The following NCAM2 variants were observed in gnomAD, a reference collection of about 807,000 sequenced individuals.
NCAM2 encodes the protein N-CAM-2.
NCAM2 carries 30 observed loss-of-function variants against 98.1 expected under a neutral mutation model. That is an observed-to-expected ratio of 0.31 (90% CI 0.23 to 0.41). The LOEUF is 0.41. Ranked by LOEUF, NCAM2 falls within the 10% of genes least tolerant of loss-of-function variation. The pLI is 1.00. For synonymous variants in NCAM2, 368 were observed against 342.4 expected (o/e 1.07, Z -0.83); for missense variants, 867 against 1,005.8 (o/e 0.86, Z 1.87).
At chr21:21,102,295 A>G (rs1273527329) in intron 1 of NCAM2, among the ~76,000 whole-genome samples, 2 of 152,102 alleles carry the variant, frequency 1.3e-5, no homozygotes, top group Non-Finnish European at 2.9e-5. Flanking sequence ...TTGTAAAAAA[A>G]GTACAATTTT....
At chr21:21,317,727 C>G (rs59421789) in intron 5 of NCAM2, among the ~76,000 whole-genome samples, 4,589 of 151,844 alleles carry the variant, frequency 0.03, 216 homozygotes, top group African/African-American at 0.11. Flanking sequence ...TAGCGACAGG[C>G]TCTCATTATG....
At chr21:21,486,303 CAAAAAAAAA>C (rs67182493) in intron 15 of NCAM2, among the ~76,000 whole-genome samples, 14 of 52,254 alleles carry the variant, frequency 2.7e-4, no homozygotes, top group African/African-American at 5.9e-4. Context: ...GACTCCGTCT[CAAAAAAAAA>C]AAAAAAAAAA....
At chr21:21,407,894 T>C (rs1350787384) in intron 9 of NCAM2, among the ~76,000 whole-genome samples, 1 of 152,190 alleles carries the variant, frequency 6.6e-6, no homozygotes, top group Admixed American at 6.5e-5. Flanking sequence ...AAATTTGGCT[T>C]CTCTTATAGT....
intron 8 of NCAM2, among the ~76,000 whole-genome samples, chr21:21,365,213 G>T (rs232504): frequency 0.37 from 54,741 of 148,890 alleles, 10,113 homozygotes; most frequent in Middle Eastern, 0.48. Context: ...TTCCGTTGGA[G>T]ATTTGAGCTA....
At position 21,220,730 on chromosome 21, in the gene NCAM2, T is replaced by C. The variant is rs527617072; in HGVS notation, c.56-59848T>C. 2.0e-5 allele frequency among the ~76,000 whole-genome samples: 3 copies of C among 152,296 alleles called. No individual in the cohort carries two copies. The South Asian group carries it at 6.2e-4, about 32-fold the overall frequency. On this transcript the variant is annotated intron_variant, in intron 1 of 17. Coordinates refer to ENST00000400546, the MANE Select transcript of NCAM2 (RefSeq NM_004540.5). ...TAATTTAATGTGCCCATGAATCACT[T>C]TCTTATTATCGTAGAATGTAAATTC...
At chr21:21,273,343 G>T (rs916123434) in intron 1 of NCAM2, among the ~76,000 whole-genome samples, 1 of 152,076 alleles carries the variant, frequency 6.6e-6, no homozygotes, top group Non-Finnish European at 1.5e-5. Flanking sequence ...AAACAAAGAA[G>T]ATATTGCTAA....
Position 21,295,571 on chromosome 21 carries a change from A to G in NCAM2, c.619+3330A>G, listed in dbSNP as rs1353480273. On this transcript the variant is annotated intron_variant, in intron 5 of 17. Transcript: ENST00000400546. ...AAATACACACCATGACTGAAATCAA[A>G]CTTCAAGAAAACATCACATATTTTC... Among the ~76,000 whole-genome samples, 55 of 151,804 alleles carry G rather than the reference A, an allele frequency of 3.6e-4. No homozygotes were observed. In the Admixed American group the frequency reaches 3.6e-3, roughly 10 times the overall value.
rs190698938 is a variant in NCAM2, at chr21:21,086,178, G to A, written c.55+87560G>A. On this transcript the variant is annotated intron_variant, in intron 1 of 17. Coordinates refer to ENST00000400546, the MANE Select transcript of NCAM2 (RefSeq NM_004540.5). ...ACATTTCCTGTAAAAGAGATAAAAA[G>A]TGAGGGAAATCAGGAAGGTGATGTG... Among the ~76,000 whole-genome samples the A allele has an allele frequency of 1.8e-4, 27 of 152,290 alleles. No homozygotes were observed. The East Asian group carries it at 4.8e-3, about 27-fold the overall frequency.
At position 21,050,590 on chromosome 21, in the gene NCAM2, G is replaced by A. The variant is rs536610160; in HGVS notation, c.55+51972G>A. The stretch of plus-strand genomic sequence containing the variant: ...TGTTTGTCCTGCCAGAATGGAAGAT[G>A]TTAGCATCAACCACTGTTCTTTATT... On this transcript the variant is annotated intron_variant, in intron 1 of 17. Transcript: ENST00000400546. 5.3e-5 allele frequency among the ~76,000 whole-genome samples: 8 copies of A among 152,310 alleles called. No individual in the cohort carries two copies. The South Asian group carries it at 1.7e-3, about 32-fold the overall frequency.
chr21:21,459,684 A>T (rs1184061146), intron 12 of NCAM2, among the ~76,000 whole-genome samples: 1 of 151,656 alleles, frequency 6.6e-6, no homozygotes, highest in Non-Finnish European at 1.5e-5. Context: ...AAAGAATCAT[A>T]CTCATAGAAG....
chr21:21,065,267 C>A (rs1353014343), intron 1 of NCAM2, among the ~76,000 whole-genome samples: 1 of 151,968 alleles, frequency 6.6e-6, no homozygotes, highest in East Asian at 1.9e-4. Context: ...AAGTCATAAG[C>A]CAATAATACT....
chr21:21,506,041 A>C (rs1987958608), intron 15 of NCAM2, among the ~76,000 whole-genome samples: 1 of 152,108 alleles, frequency 6.6e-6, no homozygotes, highest in Non-Finnish European at 1.5e-5. Flanking sequence ...CAAAGCAAGA[A>C]TCTTCATACT....
chr21:21,397,941 T>A (rs905777274), intron 9 of NCAM2, among the ~76,000 whole-genome samples: 5 of 152,208 alleles, frequency 3.3e-5, no homozygotes, highest in Non-Finnish European at 5.9e-5. Context: ...CACTACTGGG[T>A]CATTATATGA....
chr21:21,032,975 A>T (rs2064720473), intron 1 of NCAM2, among the ~76,000 whole-genome samples: 1 of 144,712 alleles, frequency 6.9e-6, no homozygotes, highest in Admixed American at 6.9e-5. Flanking sequence ...ACAGAGTTTC[A>T]CTCTTGTTGC....
intron 11 of NCAM2, among the ~76,000 whole-genome samples, chr21:21,418,924 T>C (rs762034355): frequency 1.3e-5 from 2 of 152,178 alleles, no homozygotes; most frequent in African/African-American, 2.4e-5. Context: ...AGAACAGACA[T>C]GCCAGTTACT....
chr21:21,102,916 T>C (rs906658907), intron 1 of NCAM2, among the ~76,000 whole-genome samples: 2 of 152,098 alleles, frequency 1.3e-5, no homozygotes, highest in Non-Finnish European at 2.9e-5. Context: ...TAATCTCTTA[T>C]TATGCTTTAT....
chr21:21,086,444 G>A (rs1358690605), intron 1 of NCAM2, among the ~76,000 whole-genome samples: 3 of 152,142 alleles, frequency 2.0e-5, no homozygotes, highest in Non-Finnish European at 2.9e-5. Context: ...GGGACTATAT[G>A]ATTGGCAGAA....
At chr21:21,025,950 G>A (rs143332204) in intron 1 of NCAM2, among the ~76,000 whole-genome samples, 1 of 152,334 alleles carries the variant, frequency 6.6e-6, no homozygotes, top group African/African-American at 2.4e-5. Context: ...AGTGAGTTCA[G>A]GGAGGGTCAA....
At chr21:21,099,237 G>T (rs1019579808) in intron 1 of NCAM2, among the ~76,000 whole-genome samples, 2 of 151,858 alleles carry the variant, frequency 1.3e-5, no homozygotes, top group African/African-American at 2.4e-5. Flanking sequence ...TGGTACTGAG[G>T]TTTATACATT....
Sources: allele counts gnomAD v4.1 joint callset (sites outside exome capture counted in the v4.1 genomes callset), GRCh38; gene constraint gnomAD v4.1.1; transcripts MANE v1.5; gene names NCBI Gene and HGNC (gene_info 2026-07-23, HGNC 2026-07-21).